ANKRD36: variants seen among roughly 807,000 people sequenced by gnomAD.
The protein encoded by ANKRD36 is ankyrin repeat domain-containing protein 36A.
ANKRD36 carries 179 observed loss-of-function variants against 278.1 expected under a neutral mutation model. The observed-to-expected ratio is 0.64, with a 90% CI of 0.57 to 0.73. The LOEUF is 0.73. Ranked by LOEUF, ANKRD36 falls within the 30% of genes least tolerant of loss-of-function variation. The probability of loss-of-function intolerance (pLI) is 0.00; values close to 1 mark genes in which losing one functional copy is unlikely to be tolerated. For missense variants in ANKRD36, 1,159 were observed against 1,956.7 expected (o/e 0.59, Z 7.69); for synonymous variants, 320 against 641.1 (o/e 0.50, Z 7.57).
chr2:97,142,735 T>C (rs375469632), intron 7 of ANKRD36, 28 bp from the exon 8 acceptor site: 18 of 1,609,706 alleles, frequency 1.1e-5, no homozygotes, highest in East Asian at 6.7e-5. Flanking sequence ...CTTTATGTAT[T>C]GATTATTTTG....
At chr2:97,222,346 C>T (rs1262251253) in intron 66 of ANKRD36, among the ~76,000 whole-genome samples, 16 of 152,200 alleles carry the variant, frequency 1.1e-4, no homozygotes, top group Non-Finnish European at 1.3e-4. Context: ...CGTTACCTAG[C>T]AATGGGATTG....
At chr2:97,211,450 G>A in intron 56 of ANKRD36, 96 bp from the exon 57 acceptor site, 1 of 1,535,412 alleles carries the variant, frequency 6.5e-7, no homozygotes, top group Non-Finnish European at 8.9e-7. Flanking sequence ...ACTAATACAG[G>A]CTGGGGGACA....
In ANKRD36 at chr2:97,220,985, A is replaced by T. The variant is rs376642685; in HGVS notation, c.3877+1739A>T. Among the ~76,000 whole-genome samples the T allele has an allele frequency of 3.3e-5, 3 of 90,222 alleles. No individual in the cohort carries two copies. In the East Asian group the frequency reaches 1.3e-3, roughly 38 times the overall value. The allele number at this position is 90,222 out of a possible 152,430, so 59.2% of individuals were successfully genotyped here. ...ATATTCCCCTTCCTGTGTCCATGTGATCTCATTGTTCAATTCCCACCTATG... is the reference window on the plus strand; with the variant it reads ...ATATTCCCCTTCCTGTGTCCATGTGTTCTCATTGTTCAATTCCCACCTATG... On this transcript the variant is annotated intron_variant, in intron 66 of 75. Coordinates refer to ENST00000420699, the MANE Select transcript of ANKRD36 (RefSeq NM_001354587.1).
At chr2:97,211,499 T>C (rs1270128816) in intron 56 of ANKRD36, 47 bp from the exon 57 acceptor site, 1 of 1,592,660 alleles carries the variant, frequency 6.3e-7, no homozygotes, top group African/African-American at 1.3e-5. Flanking sequence ...ATGGATAACT[T>C]TATCATATTT....
chr2:97,173,934 C>A (rs1269620996), intron 22 of ANKRD36, among the ~76,000 whole-genome samples: 3 of 149,792 alleles, frequency 2.0e-5, no homozygotes, highest in South Asian at 2.1e-4. Context: ...ACCTGAGAGA[C>A]CCCGATGGTA....
intron 56 of ANKRD36, among the ~76,000 whole-genome samples, chr2:97,210,801 G>T (rs1204314217): frequency 2.0e-5 from 3 of 151,840 alleles, no homozygotes; most frequent in Non-Finnish European, 4.4e-5. Flanking sequence ...AATATCTAAT[G>T]CTTGTAGCAG....
chr2:97,123,957 T>TATATATA (rs1553540707), intron 4 of ANKRD36, among the ~76,000 whole-genome samples: 213 of 141,794 alleles, frequency 1.5e-3, no homozygotes, highest in African/African-American at 5.0e-3. Context: ...TCCTCCATAT[T>TATATATA]TATATATATA....
chr2:97,207,795 C>G lies in ANKRD36; in HGVS notation c.3164-16C>G, dbSNP rs1558788945. Reference sequence around the variant, plus strand: ...TTTTTACACATGAGTGATTATGAATCCCTTTTACTTTTCAGTGTCTTCTGA... The same window carrying G: ...TTTTTACACATGAGTGATTATGAATGCCTTTTACTTTTCAGTGTCTTCTGA... On this transcript the variant is annotated splice_polypyrimidine_tract_variant and intron_variant, in intron 52 of 75. Coordinates refer to ENST00000420699, the MANE Select transcript of ANKRD36 (RefSeq NM_001354587.1). 3.2e-6 allele frequency: 5 copies of G among 1,545,472 alleles called. No individual in the cohort carries two copies. The highest frequency in any genetic ancestry group is 4.4e-6 in the Non-Finnish European group (5 of 1,143,924).
chr2:97,134,549 C>A (rs2040990298), intron 6 of ANKRD36, among the ~76,000 whole-genome samples: 1 of 152,114 alleles, frequency 6.6e-6, no homozygotes, highest in Non-Finnish European at 1.5e-5. Flanking sequence ...TATTCACCTT[C>A]TTTCTTTGAG....
At chr2:97,193,729 G>T (rs1183098786) in intron 38 of ANKRD36, among the ~76,000 whole-genome samples, 1 of 151,666 alleles carries the variant, frequency 6.6e-6, no homozygotes, top group South Asian at 2.1e-4. Flanking sequence ...AGGCATCAGA[G>T]ATACATGTTT....
chr2:97,183,335 TA>T, intron 26 of ANKRD36, 123 bp from the exon 27 acceptor site: 1 of 1,260,428 alleles, frequency 7.9e-7, no homozygotes, highest in South Asian at 1.6e-5. Flanking sequence ...ACACAAACTG[TA>T]AAACATCAAA....
At chr2:97,178,495 G>A (rs1024821540) in intron 22 of ANKRD36, among the ~76,000 whole-genome samples, 2 of 151,786 alleles carry the variant, frequency 1.3e-5, no homozygotes, top group Non-Finnish European at 2.9e-5. Context: ...ATACTATGCA[G>A]CCATAAAAAA....
chr2:97,187,127 A>T (rs1411341303), intron 30 of ANKRD36, 71 bp from the exon 31 acceptor site: 1 of 1,596,720 alleles, frequency 6.3e-7, no homozygotes, highest in Non-Finnish European at 8.5e-7. Flanking sequence ...CTTGATGCTA[A>T]CACCGCATGA....
chr2:97,212,648 C>T (rs1338089484), intron 58 of ANKRD36: 3 of 153,560 alleles, frequency 2.0e-5, no homozygotes, highest in Non-Finnish European at 4.3e-5. Context: ...TGATTGATTT[C>T]TGAATGTAAA....
intron 22 of ANKRD36, among the ~76,000 whole-genome samples, chr2:97,178,388 T>C (rs1376439253): frequency 6.6e-6 from 1 of 151,920 alleles, no homozygotes; most frequent in African/African-American, 2.4e-5. Flanking sequence ...CGCATGCTTA[T>C]TACGGCATTA....
At chr2:97,128,937 G>A (rs2039333594) in intron 6 of ANKRD36, among the ~76,000 whole-genome samples, 1 of 152,068 alleles carries the variant, frequency 6.6e-6, no homozygotes, top group South Asian at 2.1e-4. Flanking sequence ...ACAGACATGT[G>A]CATGTGTCTT....
intron 29 of ANKRD36, 26 bp downstream of exon 29, chr2:97,185,370 G>T (rs954163560): frequency 8.7e-6 from 14 of 1,609,258 alleles, no homozygotes; most frequent in Non-Finnish European, 1.2e-5. Flanking sequence ...TTTATATTTT[G>T]TATTAGTAAC....
intron 32 of ANKRD36, among the ~76,000 whole-genome samples, chr2:97,187,828 C>T (rs981002145): frequency 4.0e-5 from 6 of 151,700 alleles, no homozygotes; most frequent in Non-Finnish European, 8.8e-5. Context: ...AGAACGAGAA[C>T]TAAGGAGACC....
At chr2:97,152,635 A>G in intron 14 of ANKRD36, 101 bp downstream of exon 14, 1 of 996,886 alleles carries the variant, frequency 1.0e-6, no homozygotes, top group South Asian at 1.9e-5. Context: ...TGGACACCAT[A>G]TTACATGCTT....
Sources: allele counts gnomAD v4.1 joint callset (sites outside exome capture counted in the v4.1 genomes callset), GRCh38; gene constraint gnomAD v4.1.1; transcripts MANE v1.5; gene names NCBI Gene and HGNC (gene_info 2026-07-23, HGNC 2026-07-21).